Variants in ZNF594 observed in about 807,000 individuals in gnomAD.
The protein encoded by ZNF594 is zinc finger protein 594.
For synonymous variants in ZNF594, 336 were observed against 309.4 expected (o/e 1.09, Z -0.90); for missense variants, 1,037 against 964.6 (o/e 1.08, Z -0.99).
At chr17:5,178,750 A>G (rs2074320639), downstream of ZNF594, among the ~76,000 whole-genome samples, 1 of 152,194 alleles carries the variant, frequency 6.6e-6, no homozygotes, top group African/African-American at 2.4e-5. Flanking sequence ...GAATTAAACC[A>G]GGTAACAAGA....
Position 5,182,218 on chromosome 17 carries a change from T to C in ZNF594, c.2039A>G (p.Tyr680Cys), listed in dbSNP as rs1307908488. The change falls in exon 2 of 2, where the codon TAT (tyrosine) becomes TGT (cysteine). Residue 680 changes from tyrosine (Y) to cysteine (C), a missense_variant. Coordinates refer to ENST00000575779, the MANE Select transcript of ZNF594 (RefSeq NM_032530.2). ...GGCATTCCCACATTCACTGCACTGA[T>C]AGGGTTTCTCTCCAGTATGGATTTT... ...HQKIHTGEKP[Y>C]QCSECGNAFR... 1.9e-6 allele frequency: 3 copies of C among 1,613,532 alleles called. No individual in the cohort carries two copies. The highest frequency in any genetic ancestry group is 2.2e-5 in the East Asian group (1 of 44,854).
rs563203356 is a variant in ZNF594, at chr17:5,183,565, C to T, written c.692G>A (p.Arg231Lys). The change falls in exon 2 of 2, where the codon AGA (arginine) becomes AAA (lysine). Residue 231 changes from arginine to lysine, a missense_variant. Physicochemically the swap from Arg to Lys is conservative, Grantham distance 26 (BLOSUM62 2). Transcript: ENST00000575779. ...KGSSNLVLHQRIHSRGKPYLC... is the reference protein window; with the variant it reads ...KGSSNLVLHQKIHSRGKPYLC... ...ATATGGCTTCCCCCTACTGTGGATT[C>T]TCTGGTGCAGGACAAGGTTTGAGCT... The T allele has an allele frequency of 5.0e-6, 8 of 1,614,180 alleles. No individual in the cohort carries two copies. The Admixed American group carries it at 1.2e-4, about 24-fold the overall frequency.
chr17:5,178,492 G>A (rs540346852), downstream of ZNF594, among the ~76,000 whole-genome samples: 13 of 152,284 alleles, frequency 8.5e-5, no homozygotes, highest in African/African-American at 3.1e-4. Flanking sequence ...ACTGAAACCT[G>A]TTCCCTGGAA....
rs147154291 is a variant in ZNF594 at position 5,186,102 on chromosome 17, A to T, written c.-20-1826T>A. Among the ~76,000 whole-genome samples, 82 of 151,978 alleles carry T rather than the reference A, an allele frequency of 5.4e-4. No individual in the cohort carries two copies. The South Asian group carries it at 9.3e-3, about 17-fold the overall frequency. Reference sequence around the variant, plus strand: ...TCCACTAGAAGGTGCCCGAGTAGGGACTCCATATGGTGGCTTCGACCCCAC... The same window carrying T: ...TCCACTAGAAGGTGCCCGAGTAGGGTCTCCATATGGTGGCTTCGACCCCAC... On this transcript the variant is annotated intron_variant, in intron 1 of 1. Transcript: ENST00000575779.
At chr17:5,189,960 C>A (rs1209941013) in intron 1 of ZNF594, among the ~76,000 whole-genome samples, 1 of 152,110 alleles carries the variant, frequency 6.6e-6, no homozygotes, top group Admixed American at 6.6e-5. Flanking sequence ...TACAAGGTCA[C>A]AATGAGGCCT....
At chr17:5,175,267 G>A (rs568966370), downstream of ZNF594, among the ~76,000 whole-genome samples, 17 of 152,138 alleles carry the variant, frequency 1.1e-4, no homozygotes, top group Admixed American at 7.2e-4. Flanking sequence ...TCCCATTACC[G>A]CCTGAGCTCT....
At chr17:5,189,813 T>C (rs914820262) in intron 1 of ZNF594, among the ~76,000 whole-genome samples, 1 of 152,146 alleles carries the variant, frequency 6.6e-6, no homozygotes, top group African/African-American at 2.4e-5. Flanking sequence ...CCACCATGCC[T>C]GGCCAAAAAC....
Position 5,184,163 on chromosome 17 carries a change from AT to A in ZNF594, c.93del (p.Glu31AspfsTer4), listed in dbSNP as rs1265614366. The A allele has an allele frequency of 4.3e-6, 7 of 1,614,162 alleles. No homozygotes were observed. The South Asian group carries it at 7.7e-5, about 18-fold the overall frequency. ...SEKLQRQITQ[E>X]CELVETSNSE... ...GAATTACTGGTTTCAACTAACTCACATTCCTGGGTGATTTGTCTTTGGAGTT... is the reference window on the plus strand; with the variant it reads ...GAATTACTGGTTTCAACTAACTCACATCCTGGGTGATTTGTCTTTGGAGTT... On this transcript the variant is annotated frameshift_variant, in exon 2 of 2. Transcript: ENST00000575779. LOFTEE classifies it low-confidence loss of function (END_TRUNC).
intron 1 of ZNF594, among the ~76,000 whole-genome samples, chr17:5,188,314 T>C (rs1475912166): frequency 2.6e-5 from 4 of 151,714 alleles, no homozygotes; most frequent in Non-Finnish European, 5.9e-5. Context: ...AGGGCTTTTA[T>C]TGTGTCATAC....
intron 1 of ZNF594, among the ~76,000 whole-genome samples, chr17:5,189,684 G>A (rs1212274686): frequency 6.6e-6 from 1 of 151,680 alleles, no homozygotes; most frequent in Non-Finnish European, 1.5e-5. Context: ...ACCATACCCA[G>A]CTAGTTTAAA....
chr17:5,183,518 C>G lies in ZNF594; in HGVS notation c.739G>C (p.Ala247Pro). Residue 247 changes from alanine to proline, a missense_variant, in exon 2 of 2, where the codon GCT becomes CCT. Coordinates refer to ENST00000575779, the MANE Select transcript of ZNF594 (RefSeq NM_032530.2). ...ATAAGATCTGTGCTTTGACTGAAAG[C>G]CTTCCCACATTTATTGCATAAATAT... is the stretch of plus-strand genomic sequence containing the variant. ...KPYLCNKCGK[A>P]FSQSTDLIIH... 2 of 1,614,152 alleles carry G rather than the reference C, an allele frequency of 1.2e-6. No homozygotes were observed. Among genetic ancestry groups the G allele is most frequent in the Non-Finnish European group, 1.7e-6 (2 of 1,180,034 alleles).
chr17:5,184,399 T>C (rs1204530852), intron 1 of ZNF594, 123 bp from the exon 2 acceptor site: 2 of 1,014,366 alleles, frequency 2.0e-6, no homozygotes, highest in South Asian at 1.7e-5. Flanking sequence ...AAAGCTGAGA[T>C]GTGGCTTTCA....
intron 1 of ZNF594, among the ~76,000 whole-genome samples, chr17:5,188,168 T>TC (rs2074398033): frequency 6.6e-6 from 1 of 151,684 alleles, no homozygotes; most frequent in Non-Finnish European, 1.5e-5. Context: ...TTTAGTGTTT[T>TC]TTTTTTTTTT....
In ZNF594 at chr17:5,182,506, A is replaced by C. The variant is rs773241390; in HGVS notation, c.1751T>G (p.Ile584Ser). ...GRAFQGSSDL[I>S]RHQVTHTREK... ...TCTTGTATGAGTTACCTGATGTCTG[A>C]TGAGGTCTGAGCTGCCCTGGAAAGC... The change falls in exon 2 of 2, where the codon ATC becomes AGC. Residue 584 changes from isoleucine (I) to serine (S), a missense_variant. Physicochemically the swap from Ile to Ser is moderately radical, Grantham distance 142. Coordinates refer to ENST00000575779, the MANE Select transcript of ZNF594 (RefSeq NM_032530.2). The C allele has an allele frequency of 4.3e-6, 7 of 1,614,042 alleles. No individual in the cohort carries two copies. The Admixed American group carries it at 5.0e-5, about 12-fold the overall frequency.
chr17:5,187,970 C>T (rs2074396744), intron 1 of ZNF594, among the ~76,000 whole-genome samples: 1 of 150,822 alleles, frequency 6.6e-6, no homozygotes, highest in Non-Finnish European at 1.5e-5. Flanking sequence ...CCATCCTGCC[C>T]TGGACTCCCA....
At position 5,182,091 on chromosome 17, in the gene ZNF594, A is replaced by C. The variant is rs777618943; in HGVS notation, c.2166T>G (p.Ala722=). 18 of 1,613,538 alleles carry C rather than the reference A, an allele frequency of 1.1e-5. No homozygotes were observed. In the African/African-American group the frequency reaches 2.1e-4, roughly 19 times the overall value. The stretch of plus-strand genomic sequence containing the variant: ...CATGCAGTCTCTGATGTTTGAGGAA[A>C]GCCGTGTGCCACATGAAGAGTTTCC... ...ECGKLFMWHT[A]FLKHQRLHAG... is the part of the protein sequence containing the mutation. Residue 722 remains alanine, a synonymous_variant, in exon 2 of 2, where the codon GCT becomes GCG. Coordinates refer to ENST00000575779, the MANE Select transcript of ZNF594 (RefSeq NM_032530.2).
chr17:5,174,207 A>G, the ZNF594 span: 1 of 192,342 alleles, frequency 5.2e-6, no homozygotes, highest in African/African-American at 2.3e-5. Flanking sequence ...TAAGATTGGA[A>G]CAAAAGTATA....
Position 5,179,882 on chromosome 17 carries a change from A to C in ZNF594, c.*1951T>G, listed in dbSNP as rs2074326895. The C allele has an allele frequency of 6.6e-6, 1 of 152,110 alleles. No individual in the cohort carries two copies. Among genetic ancestry groups the C allele is most frequent in the Non-Finnish European group, 1.5e-5 (1 of 68,032 alleles). 9.4% of individuals were successfully genotyped at this position (152,110 alleles called of 1,614,324 possible). On this transcript the variant is annotated 3_prime_UTR_variant, in exon 2 of 2. Transcript: ENST00000575779. ...CAAAATATAATTCTTTAATAAATGCAGTTTGGTAAACATAATCTTTTAAGA... is the reference window on the plus strand; with the variant it reads ...CAAAATATAATTCTTTAATAAATGCCGTTTGGTAAACATAATCTTTTAAGA...
intron 1 of ZNF594, among the ~76,000 whole-genome samples, chr17:5,186,766 C>G (rs747391387): frequency 2.3e-4 from 35 of 152,368 alleles, no homozygotes; most frequent in Non-Finnish European, 4.9e-4. Flanking sequence ...TCATCTCTCT[C>G]AAGTTCAAAG....
Sources: allele counts gnomAD v4.1 joint callset (sites outside exome capture counted in the v4.1 genomes callset), GRCh38; gene constraint gnomAD v4.1.1; transcripts MANE v1.5; gene names NCBI Gene and HGNC (gene_info 2026-07-23, HGNC 2026-07-21).